Variants in ERC2 observed in about 807,000 individuals in gnomAD.
ERC2 encodes the protein ELKS/RAB6-interacting/CAST family member 2.
In ERC2, 42 loss-of-function variants were observed where a neutral mutation model predicts 114.8. That is an observed-to-expected ratio of 0.37 (90% CI 0.29 to 0.47). The LOEUF is 0.47. Ranked by LOEUF, ERC2 falls within the 20% of genes least tolerant of loss-of-function variation. ERC2 has a pLI of 0.99. For synonymous variants in ERC2, 454 were observed against 425.5 expected, an observed-to-expected ratio of 1.07 and a Z score of -0.82; for missense variants, 939 against 1,150.7, an observed-to-expected ratio of 0.82 and a Z score of 2.66.
At chr3:56,089,310 G>A (rs1288342978) in intron 6 of ERC2, among the ~76,000 whole-genome samples, 4 of 152,218 alleles carry the variant, frequency 2.6e-5, no homozygotes, top group Admixed American at 6.6e-5. Flanking sequence ...GAAGTGAATG[G>A]TATTTGAGAT....
intron 2 of ERC2, among the ~76,000 whole-genome samples, chr3:56,397,587 C>T (rs2060360130): frequency 6.6e-6 from 1 of 152,128 alleles, no homozygotes; most frequent in African/African-American, 2.4e-5. Flanking sequence ...TTATTATTTT[C>T]TTAAATGCTT....
chr3:55,819,480 C>T (rs1160812230), intron 14 of ERC2, among the ~76,000 whole-genome samples: 31 of 152,214 alleles, frequency 2.0e-4, no homozygotes, highest in Non-Finnish European at 1.0e-4. Flanking sequence ...AACTATGGTT[C>T]ATCTCAACTT....
intron 3 of ERC2, among the ~76,000 whole-genome samples, chr3:56,264,841 C>T (rs1293530108): frequency 7.5e-6 from 1 of 133,436 alleles, no homozygotes; most frequent in Non-Finnish European, 1.6e-5. Flanking sequence ...AAAAAAAAAT[C>T]AAGAAAATGA....
intron 17 of ERC2, among the ~76,000 whole-genome samples, chr3:55,558,384 C>T (rs569205286): frequency 2.0e-5 from 3 of 152,280 alleles, no homozygotes; most frequent in East Asian, 1.9e-4. Flanking sequence ...TTTGCAGAAA[C>T]CCTGACCTCA....
At position 55,583,988 on chromosome 3, in the gene ERC2, C is replaced by T. The variant is rs553934530; in HGVS notation, c.*40-72712G>A. Among the ~76,000 whole-genome samples, 23 of 152,294 alleles carry T rather than the reference C, an allele frequency of 1.5e-4. 1 individual carries two copies. In the South Asian group the frequency reaches 4.6e-3, roughly 30 times the overall value. On this transcript the variant is annotated intron_variant, in intron 17 of 17. Transcript: ENST00000288221. The stretch of plus-strand genomic sequence containing the variant: ...ACTTATTATGTGATTCTGGTTAAGT[C>T]ACTCAAGCCTCAGTTTTCTTACACA...
At chr3:55,926,068 A>G (rs1445877997) in intron 13 of ERC2, among the ~76,000 whole-genome samples, 1 of 152,166 alleles carries the variant, frequency 6.6e-6, no homozygotes, top group Non-Finnish European at 1.5e-5. Context: ...CCCATTTACT[A>G]TTTAGGTTTA....
At chr3:56,355,709 T>C (rs1341052580) in intron 2 of ERC2, among the ~76,000 whole-genome samples, 1 of 152,178 alleles carries the variant, frequency 6.6e-6, no homozygotes, top group Non-Finnish European at 1.5e-5. Flanking sequence ...TAGGCAAATA[T>C]TGCATTGTGT....
At chr3:56,059,311 G>A (rs2076150618) in intron 7 of ERC2, among the ~76,000 whole-genome samples, 1 of 151,954 alleles carries the variant, frequency 6.6e-6, no homozygotes, top group African/African-American at 2.4e-5. Context: ...CGGTGGTCTC[G>A]ATCTCTTGAC....
intron 3 of ERC2, among the ~76,000 whole-genome samples, chr3:56,183,338 C>T (rs1560324060): frequency 6.6e-6 from 1 of 152,236 alleles, no homozygotes; most frequent in Non-Finnish European, 1.5e-5. Context: ...ATCCTGTCCT[C>T]TCCACTTACT....
At chr3:56,167,651 T>TA (rs2150007568) in intron 4 of ERC2, among the ~76,000 whole-genome samples, 1 of 152,180 alleles carries the variant, frequency 6.6e-6, no homozygotes, top group South Asian at 2.1e-4. Flanking sequence ...AATGAGAAGA[T>TA]AGAGAAATTT....
intron 17 of ERC2, among the ~76,000 whole-genome samples, chr3:55,679,988 C>T (rs569648629): frequency 6.6e-6 from 1 of 152,318 alleles, no homozygotes; most frequent in East Asian, 1.9e-4. Flanking sequence ...AGAGGGGAGG[C>T]ATGGCAGGGA....
At chr3:55,957,715 C>A (rs952609445) in intron 12 of ERC2, among the ~76,000 whole-genome samples, 1 of 152,176 alleles carries the variant, frequency 6.6e-6, no homozygotes, top group Admixed American at 6.5e-5. Flanking sequence ...CCAGGTGTTC[C>A]AGCTGCAGTG....
In ERC2 at chr3:55,833,646, T is replaced by G. The variant is rs1403738414; in HGVS notation, c.2564+54743A>C. Among the ~76,000 whole-genome samples the G allele has an allele frequency of 3.9e-5, 6 of 152,284 alleles. No homozygotes were observed. The East Asian group carries it at 1.2e-3, about 29-fold the overall frequency. On this transcript the variant is annotated intron_variant, in intron 14 of 17. Coordinates refer to ENST00000288221, the MANE Select transcript of ERC2 (RefSeq NM_015576.3). ...GAAAGGAACAACTGGTACCAACCAC[T>G]GCAAAATCATGCCAAATTGTAAAGA... is the stretch of plus-strand genomic sequence containing the variant.
intron 6 of ERC2, among the ~76,000 whole-genome samples, chr3:56,107,674 C>T (rs2078744230): frequency 6.6e-6 from 1 of 152,068 alleles, no homozygotes; most frequent in Non-Finnish European, 1.5e-5. Context: ...GACATTTTAC[C>T]TAAATAAAAT....
At chr3:56,260,267 T>C (rs1258463331) in intron 3 of ERC2, among the ~76,000 whole-genome samples, 1 of 152,180 alleles carries the variant, frequency 6.6e-6, no homozygotes, top group Non-Finnish European at 1.5e-5. Flanking sequence ...GTCCTGGGAC[T>C]CTCTGCCACT....
chr3:56,039,722 T>G (rs999507128), intron 7 of ERC2, among the ~76,000 whole-genome samples: 1 of 152,136 alleles, frequency 6.6e-6, no homozygotes, highest in East Asian at 1.9e-4. Flanking sequence ...TCTGGAAGCA[T>G]CATGCTACTT....
At chr3:55,996,325 T>C (rs2071507616) in intron 10 of ERC2, among the ~76,000 whole-genome samples, 1 of 152,306 alleles carries the variant, frequency 6.6e-6, no homozygotes, top group African/African-American at 2.4e-5. Context: ...TCAGATCTTA[T>C]TTACCATGAA....
intron 7 of ERC2, among the ~76,000 whole-genome samples, chr3:56,062,409 T>C (rs2076281007): frequency 6.6e-6 from 1 of 152,148 alleles, no homozygotes; most frequent in Admixed American, 6.5e-5. Flanking sequence ...TTACCATGTA[T>C]CTATCTGCTC....
At position 56,296,135 on chromosome 3, in the gene ERC2, T is replaced by G. The variant is rs1425350812; in HGVS notation, c.958A>C (p.Lys320Gln). Residue 320 changes from lysine to glutamine, a missense_variant, in exon 3 of 18, where the codon AAA becomes CAA. Lys to Gln is a moderately conservative substitution (Grantham distance 53). This residue lies in a region of ERC2 where 148 missense variants were observed against 159.1 expected (regional missense o/e 0.93). Transcript: ENST00000288221. ...CGCTCATTGTCATCCTCCAGGCTTT[T>G]GGATGGCAAGCCTTTACTTTGCAAC... ...EMLQSKGLPS[K>Q]SLEDDNERTR... The G allele has an allele frequency of 1.2e-6, 2 of 1,613,940 alleles. No individual in the cohort carries two copies. The highest frequency in any genetic ancestry group is 1.3e-5 in the African/African-American group (1 of 74,950).
Sources: allele counts gnomAD v4.1 joint callset (sites outside exome capture counted in the v4.1 genomes callset), GRCh38; gene constraint gnomAD v4.1.1; regional missense constraint gnomAD v4.1.1; transcripts MANE v1.5; gene names NCBI Gene and HGNC (gene_info 2026-07-23, HGNC 2026-07-21).